ATAD2B: variants seen among roughly 807,000 people sequenced by gnomAD.
The protein encoded by ATAD2B is ATPase family AAA domain containing 2B.
In ATAD2B, 40 loss-of-function variants were observed where a neutral mutation model predicts 167.6. The ratio of observed to expected loss-of-function variants is 0.24; its 90% CI spans 0.19 to 0.31. The LOEUF is 0.31. ATAD2B is among the 10% of genes least tolerant of loss of function. The pLI is 1.00. For missense variants in ATAD2B, 1,242 were observed against 1,757.2 expected (o/e 0.71, Z 5.24); for synonymous variants, 579 against 596.5 (o/e 0.97, Z 0.43).
At chr2:23,915,951 C>T (rs903435200) in intron 1 of ATAD2B, among the ~76,000 whole-genome samples, 2 of 152,128 alleles carry the variant, frequency 1.3e-5, no homozygotes, top group Admixed American at 1.3e-4. Flanking sequence ...ATATAAACCA[C>T]AAAAATATGC....
At chr2:23,685,345 C>T in the ATAD2B span, 1 of 152,264 alleles carries the variant, frequency 6.6e-6, no homozygotes, top group African/African-American at 2.4e-5. Context: ...GGAGAGCAGC[C>T]AAGGGGCCAG....
At chr2:23,685,865 A>G in the ATAD2B span, among the ~76,000 whole-genome samples, 49 of 152,250 alleles carry the variant, frequency 3.2e-4, no homozygotes, top group African/African-American at 1.1e-3. Context: ...CGGATCATGG[A>G]TGAGCGTCCT....
At chr2:23,714,406 A>AT in the ATAD2B span, among the ~76,000 whole-genome samples, 20,265 of 139,146 alleles carry the variant, frequency 0.15, 1,918 homozygotes, top group Non-Finnish European at 0.19. Context: ...CGCCCGGCAA[A>AT]TTTTTTTTTT....
chr2:23,731,952 G>A, the ATAD2B span, among the ~76,000 whole-genome samples: 1 of 151,280 alleles, frequency 6.6e-6, no homozygotes, highest in Non-Finnish European at 1.5e-5. Flanking sequence ...ACTCCAGTCT[G>A]GGTGACAAAG....
At chr2:23,691,577 G>A in the ATAD2B span, 1 of 1,014,094 alleles carries the variant, frequency 9.9e-7, no homozygotes, top group Non-Finnish European at 1.5e-6. Context: ...CTAAAACCAA[G>A]GGCATGACCA....
the ATAD2B span, chr2:23,703,343 A>G: frequency 9.1e-6 from 14 of 1,534,044 alleles, no homozygotes; most frequent in Non-Finnish European, 1.1e-5. Flanking sequence ...CGTTCCTCAG[A>G]CCAACACGTG....
At chr2:23,706,770 CAAG>C in the ATAD2B span, 1 of 730,308 alleles carries the variant, frequency 1.4e-6, no homozygotes. Flanking sequence ...AAAACACAAT[CAAG>C]GAACTCACTG....
chr2:23,875,946 T>C, intron 7 of ATAD2B, 42 bp from the exon 8 acceptor site: 6 of 1,362,908 alleles, frequency 4.4e-6, no homozygotes, highest in Non-Finnish European at 6.1e-6. Context: ...AACTAATAAA[T>C]TGATAAATTA....
intron 12 of ATAD2B, among the ~76,000 whole-genome samples, chr2:23,859,292 C>CTTATTTATTTAT (rs535903874): frequency 2.6e-5 from 4 of 151,966 alleles, no homozygotes; most frequent in African/African-American, 9.6e-5. Flanking sequence ...CTAGAAGCTA[C>CTTATTTATTTAT]TTATTTATTT....
rs1365889742 is a variant in ATAD2B, at chr2:23,828,943, A to G, written c.1729-4T>C. ...TCTGTAAGATGTGTTTTCTTGCCTA[A>G]GATGAAAAGCACAGATACATAAAAT... On this transcript the variant is annotated splice_region_variant and splice_polypyrimidine_tract_variant and intron_variant, in intron 14 of 27. Coordinates refer to ENST00000238789, the MANE Select transcript of ATAD2B (RefSeq NM_017552.4). The G allele has an allele frequency of 6.3e-7, 1 of 1,578,578 alleles. No individual in the cohort carries two copies. The highest frequency in any genetic ancestry group is 1.1e-5 in the South Asian group (1 of 87,618).
intron 7 of ATAD2B, among the ~76,000 whole-genome samples, chr2:23,878,609 A>G (rs1183189274): frequency 2.0e-5 from 3 of 152,068 alleles, no homozygotes; most frequent in Non-Finnish European, 4.4e-5. Flanking sequence ...CAGTAAGCCG[A>G]GATCATGCCA....
chr2:23,893,392 G>A (rs1464688506), intron 2 of ATAD2B, among the ~76,000 whole-genome samples: 1 of 151,874 alleles, frequency 6.6e-6, no homozygotes, highest in Non-Finnish European at 1.5e-5. Context: ...ATGCTCATAA[G>A]AGTTTAGATT....
At chr2:23,718,744 C>T in the ATAD2B span, among the ~76,000 whole-genome samples, 4 of 152,172 alleles carry the variant, frequency 2.6e-5, no homozygotes, top group South Asian at 8.3e-4. Context: ...AGGTGTTGGC[C>T]GACCCGTGTT....
intron 1 of ATAD2B, among the ~76,000 whole-genome samples, chr2:23,911,989 A>T (rs1246998112): frequency 1.3e-5 from 2 of 152,034 alleles, no homozygotes; most frequent in Admixed American, 1.3e-4. Context: ...AAAAAAAAAA[A>T]AAAAAGTAGA....
intron 1 of ATAD2B, among the ~76,000 whole-genome samples, chr2:23,906,037 A>T (rs1701431708): frequency 6.6e-6 from 1 of 152,156 alleles, no homozygotes; most frequent in Non-Finnish European, 1.5e-5. Flanking sequence ...ATTCCACTTT[A>T]TCTAAAAGAG....
intron 1 of ATAD2B, among the ~76,000 whole-genome samples, chr2:23,913,870 G>A (rs1423511976): frequency 1.3e-5 from 2 of 152,130 alleles, no homozygotes; most frequent in Non-Finnish European, 2.9e-5. Flanking sequence ...GGGAGGCTGA[G>A]GCGAGAGGAT....
At chr2:23,776,931 G>T (rs1679235171) in intron 22 of ATAD2B, among the ~76,000 whole-genome samples, 1 of 152,160 alleles carries the variant, frequency 6.6e-6, no homozygotes, top group African/African-American at 2.4e-5. Context: ...AAATTTATAT[G>T]TGGAAGGCTT....
chr2:23,745,417 G>GAAGGAAGGAAGGA (rs1553367898), downstream of ATAD2B, among the ~76,000 whole-genome samples: 3 of 113,336 alleles, frequency 2.6e-5, no homozygotes, highest in Admixed American at 8.3e-5. Context: ...AGGAAGGAAG[G>GAAGGAAGGAAGGA]AAGGAAAGGG....
intron 8 of ATAD2B, among the ~76,000 whole-genome samples, chr2:23,870,252 A>G (rs1431516496): frequency 1.3e-5 from 2 of 150,840 alleles, no homozygotes; most frequent in Non-Finnish European, 3.0e-5. Flanking sequence ...GTTTTTTTTA[A>G]AAGAATAATT....
Sources: allele counts gnomAD v4.1 joint callset (sites outside exome capture counted in the v4.1 genomes callset), GRCh38; gene constraint gnomAD v4.1.1; transcripts MANE v1.5; gene names NCBI Gene and HGNC (gene_info 2026-07-23, HGNC 2026-07-21).